The following PHACTR1 variants were observed in gnomAD, a reference collection of about 807,000 sequenced individuals.
PHACTR1 encodes phosphatase and actin regulator 1, also known as RPEL repeat containing 1.
PHACTR1 carries 16 observed loss-of-function variants against 69.2 expected under a neutral mutation model. That is an observed-to-expected ratio of 0.23 (90% CI 0.16 to 0.35). The LOEUF is 0.35. Ranked by LOEUF, PHACTR1 falls within the 10% of genes least tolerant of loss-of-function variation. The pLI is 1.00. For synonymous variants in PHACTR1, 312 were observed against 284.5 expected (o/e 1.10, Z -0.97); for missense variants, 510 against 734.7 (o/e 0.69, Z 3.54).
intron 4 of PHACTR1, among the ~76,000 whole-genome samples, chr6:12,972,489 A>C (rs1025551899): frequency 2.6e-5 from 4 of 152,142 alleles, no homozygotes; most frequent in Non-Finnish European, 5.9e-5. Flanking sequence ...ATCTCACTGG[A>C]ATTAAGTCAA....
chr6:13,075,392 T>C (rs7357013), intron 5 of PHACTR1, among the ~76,000 whole-genome samples: 1,951 of 152,302 alleles, frequency 0.013, 43 homozygotes, highest in African/African-American at 0.044. Context: ...TCAATGATTT[T>C]GATTTGCCAC....
At chr6:13,175,125 TA>T (rs1278711910) in intron 6 of PHACTR1, among the ~76,000 whole-genome samples, 3 of 152,158 alleles carry the variant, frequency 2.0e-5, no homozygotes, top group African/African-American at 4.8e-5. Context: ...TTTTAAAAAA[TA>T]AAAATATAAA....
intron 4 of PHACTR1, among the ~76,000 whole-genome samples, chr6:12,953,314 C>T (rs1791515322): frequency 6.6e-6 from 1 of 152,116 alleles, no homozygotes; most frequent in Non-Finnish European, 1.5e-5. Flanking sequence ...CAGAGCCAGA[C>T]TCCATCTCAA....
intron 12 of PHACTR1, 120 bp downstream of exon 12, chr6:13,278,449 G>C (rs1341429844): frequency 3.0e-5 from 25 of 830,384 alleles, no homozygotes; most frequent in Non-Finnish European, 3.7e-5. Flanking sequence ...CTGTGTCAGA[G>C]AGTGCCACTC....
intron 3 of PHACTR1, among the ~76,000 whole-genome samples, chr6:12,723,005 A>G (rs1176429597): frequency 6.6e-6 from 1 of 152,190 alleles, no homozygotes; most frequent in Non-Finnish European, 1.5e-5. Context: ...TACCCCACAC[A>G]CTCAACTTCA....
intron 4 of PHACTR1, among the ~76,000 whole-genome samples, chr6:12,767,366 T>C (rs887656467): frequency 2.6e-5 from 4 of 152,248 alleles, no homozygotes; most frequent in African/African-American, 9.6e-5. Context: ...TCATTATATG[T>C]AGGCCTTCCA....
chr6:12,816,986 G>C (rs979871986), intron 4 of PHACTR1, among the ~76,000 whole-genome samples: 1 of 152,176 alleles, frequency 6.6e-6, no homozygotes, highest in East Asian at 1.9e-4. Context: ...AAGACACAGG[G>C]TTGTGTGTGT....
intron 3 of PHACTR1, among the ~76,000 whole-genome samples, chr6:12,731,155 A>G (rs1763473932): frequency 6.6e-6 from 1 of 151,858 alleles, no homozygotes; most frequent in South Asian, 2.1e-4. Context: ...AGCTGGGATT[A>G]CAGGTGCCCG....
chr6:13,213,196 T>G (rs1431158648), intron 8 of PHACTR1, among the ~76,000 whole-genome samples: 1 of 152,228 alleles, frequency 6.6e-6, no homozygotes, highest in Non-Finnish European at 1.5e-5. Context: ...TTCCTATTGA[T>G]GGATTGAGTT....
chr6:12,855,559 G>A (rs933210610), intron 4 of PHACTR1, among the ~76,000 whole-genome samples: 1 of 152,064 alleles, frequency 6.6e-6, no homozygotes, highest in Non-Finnish European at 1.5e-5. Context: ...ATAAAATATC[G>A]CATGTTCTCA....
intron 5 of PHACTR1, among the ~76,000 whole-genome samples, chr6:13,112,140 G>C (rs1817147653): frequency 6.6e-6 from 1 of 152,112 alleles, no homozygotes; most frequent in South Asian, 2.1e-4. Context: ...TTGGTTTTCA[G>C]TTCCTGCATT....
At chr6:12,770,530 G>A (rs1769246347) in intron 4 of PHACTR1, among the ~76,000 whole-genome samples, 1 of 152,224 alleles carries the variant, frequency 6.6e-6, no homozygotes, top group African/African-American at 2.4e-5. Flanking sequence ...GGACATGGAG[G>A]AGGAGCTTCA....
chr6:13,241,305 G>A (rs576954657), intron 10 of PHACTR1, among the ~76,000 whole-genome samples: 1 of 152,288 alleles, frequency 6.6e-6, no homozygotes, highest in East Asian at 1.9e-4. Flanking sequence ...CCAATGCAGT[G>A]GTTCTCCTGG....
chr6:12,975,848 G>A (rs1210718948), intron 4 of PHACTR1, among the ~76,000 whole-genome samples: 1 of 152,192 alleles, frequency 6.6e-6, no homozygotes, highest in Non-Finnish European at 1.5e-5. Flanking sequence ...GCCTCCCAAA[G>A]TGCTGGGATT....
intron 6 of PHACTR1, among the ~76,000 whole-genome samples, chr6:13,178,836 G>T (rs1341029635): frequency 6.6e-6 from 1 of 152,228 alleles, no homozygotes; most frequent in Non-Finnish European, 1.5e-5. Context: ...GCTAGATGGG[G>T]ATACAGATAA....
intron 5 of PHACTR1, among the ~76,000 whole-genome samples, chr6:13,144,304 G>C (rs1822952407): frequency 6.6e-6 from 1 of 152,088 alleles, no homozygotes; most frequent in Non-Finnish European, 1.5e-5. Context: ...GTACCTACAA[G>C]ATACAATAAA....
chr6:13,065,337 C>G (rs1007850323), intron 5 of PHACTR1, among the ~76,000 whole-genome samples: 1 of 151,772 alleles, frequency 6.6e-6, no homozygotes. Flanking sequence ...ACAGAGAAGA[C>G]AGATGGCCCA....
intron 7 of PHACTR1, among the ~76,000 whole-genome samples, chr6:13,193,410 G>A (rs1015135453): frequency 8.4e-6 from 1 of 119,160 alleles, no homozygotes; most frequent in Admixed American, 9.6e-5. Context: ...ATGTTGAGAT[G>A]CGGTCTCACT....
At position 13,030,408 on chromosome 6, in the gene PHACTR1, T is replaced by C. The variant is rs191925557; in HGVS notation, c.251-22957T>C. On this transcript the variant is annotated intron_variant, in intron 4 of 14. Transcript: ENST00000332995. ...GGGAGGAAGAGAAGATGTTGAAAAA[T>C]AAAGTATTAAAATGCAGAACATAAA... is the stretch of plus-strand genomic sequence containing the variant. Among the ~76,000 whole-genome samples, 12 of 152,302 alleles carry C rather than the reference T, an allele frequency of 7.9e-5. No homozygotes were observed. The East Asian group carries it at 1.9e-3, about 24-fold the overall frequency.
Sources: gnomAD v4.1 joint callset for allele counts (sites outside exome capture counted in the v4.1 genomes callset) on GRCh38, gnomAD v4.1.1 for gene constraint, MANE v1.5 for transcripts, NCBI Gene and HGNC (gene_info 2026-07-23, HGNC 2026-07-21) for gene names.